CLSTN2: variants seen among roughly 807,000 people sequenced by gnomAD.
CLSTN2 encodes calsyntenin-2.
Under a neutral mutation model 101.2 loss-of-function variants are expected in CLSTN2, and 48 were observed. That is an observed-to-expected ratio of 0.47 (90% CI 0.38 to 0.60). The LOEUF (loss-of-function observed/expected upper bound fraction) is 0.60. Ranked by LOEUF, CLSTN2 falls within the 20% of genes least tolerant of loss-of-function variation. The pLI, the probability that CLSTN2 is intolerant of heterozygous loss-of-function variation, is 0.00. For synonymous variants in CLSTN2, 481 were observed against 463.6 expected (o/e 1.04, Z -0.48); for missense variants, 1,160 against 1,238.2 (o/e 0.94, Z 0.95).
intron 2 of CLSTN2, among the ~76,000 whole-genome samples, chr3:140,350,841 G>A (rs2087598187): frequency 6.6e-6 from 1 of 152,164 alleles, no homozygotes; most frequent in South Asian, 2.1e-4. Context: ...GAAGTCAGGA[G>A]TAAAGTTGCC....
chr3:140,361,853 T>C (rs753541742), intron 2 of CLSTN2, among the ~76,000 whole-genome samples: 8 of 152,068 alleles, frequency 5.3e-5, no homozygotes, highest in Non-Finnish European at 1.0e-4. Flanking sequence ...GGAGAAATAG[T>C]CCTGGTTCAC....
At chr3:140,421,389 T>C in intron 5 of CLSTN2, 115 bp downstream of exon 5, 1 of 1,248,152 alleles carries the variant, frequency 8.0e-7, no homozygotes, top group Non-Finnish European at 1.1e-6. Context: ...GTCACTTTGC[T>C]GTGAGAAATA....
intron 8 of CLSTN2, among the ~76,000 whole-genome samples, chr3:140,491,247 A>AAGAC (rs369258535): frequency 9.1e-4 from 139 of 152,304 alleles, no homozygotes; most frequent in African/African-American, 3.3e-3. Context: ...CTGCCTTGCT[A>AAGAC]AGACACATTT....
At chr3:140,475,312 T>A (rs1196273770) in intron 8 of CLSTN2, among the ~76,000 whole-genome samples, 1 of 152,222 alleles carries the variant, frequency 6.6e-6, no homozygotes, top group Non-Finnish European at 1.5e-5. Flanking sequence ...ATTGCATACC[T>A]AACTAATAGA....
At chr3:139,944,755 G>A (rs557702586) in intron 1 of CLSTN2, among the ~76,000 whole-genome samples, 24 of 152,316 alleles carry the variant, frequency 1.6e-4, no homozygotes, top group Non-Finnish European at 2.4e-4. Flanking sequence ...ACCTTCTCCC[G>A]TCAGCACTGC....
chr3:140,148,169 G>C (rs539271056), intron 1 of CLSTN2, among the ~76,000 whole-genome samples: 2 of 152,296 alleles, frequency 1.3e-5, no homozygotes, highest in African/African-American at 2.4e-5. Flanking sequence ...GGACCTCAAG[G>C]CTGCCTGGAA....
chr3:140,357,272 A>G (rs2087681153), intron 2 of CLSTN2, among the ~76,000 whole-genome samples: 1 of 152,176 alleles, frequency 6.6e-6, no homozygotes, highest in South Asian at 2.1e-4. Context: ...AATCTTCTAA[A>G]GTTGCAACAA....
intron 2 of CLSTN2, among the ~76,000 whole-genome samples, chr3:140,276,362 C>T (rs568035728): frequency 3.1e-4 from 47 of 152,100 alleles, no homozygotes; most frequent in Non-Finnish European, 5.9e-4. Flanking sequence ...ATTTCCATAC[C>T]CTCTTGGCTC....
chr3:140,088,580 C>G (rs540392376), intron 1 of CLSTN2, among the ~76,000 whole-genome samples: 2 of 152,298 alleles, frequency 1.3e-5, no homozygotes, highest in South Asian at 4.2e-4. Flanking sequence ...TGCAGAAAAA[C>G]AAAGGAAGCC....
At chr3:140,041,847 G>A (rs1373523146) in intron 1 of CLSTN2, among the ~76,000 whole-genome samples, 10 of 152,284 alleles carry the variant, frequency 6.6e-5, no homozygotes, top group Admixed American at 3.3e-4. Context: ...CAGCCCCTGC[G>A]ATAGCTTATA....
chr3:140,098,935 C>T (rs114072842), intron 1 of CLSTN2, among the ~76,000 whole-genome samples: 2,369 of 152,282 alleles, frequency 0.016, 28 homozygotes, highest in Middle Eastern at 0.024. Flanking sequence ...CCAGGCCTCT[C>T]CCACAGGCCC....
At chr3:140,448,852 TG>T in intron 6 of CLSTN2, 148 bp downstream of exon 6, 5 of 706,284 alleles carry the variant, frequency 7.1e-6, no homozygotes, top group Non-Finnish European at 1.1e-5. Flanking sequence ...AGTTTACTTA[TG>T]GCAGAAGGGT....
intron 2 of CLSTN2, among the ~76,000 whole-genome samples, chr3:140,328,467 C>A (rs2107927748): frequency 6.6e-6 from 1 of 152,278 alleles, no homozygotes; most frequent in Admixed American, 6.5e-5. Flanking sequence ...AGCTATCTTC[C>A]TATGGTTCCC....
At chr3:140,102,050 A>G (rs1029946049) in intron 1 of CLSTN2, among the ~76,000 whole-genome samples, 2 of 152,158 alleles carry the variant, frequency 1.3e-5, no homozygotes, top group Non-Finnish European at 2.9e-5. Context: ...TCTTAGTTCA[A>G]ATTCTTGATG....
rs1357064354 is a variant in CLSTN2 at position 140,223,761 on chromosome 3, A to G, written c.232+47688A>G. Among the ~76,000 whole-genome samples, 3 of 152,176 alleles carry G rather than the reference A, an allele frequency of 2.0e-5. No individual in the cohort carries two copies. The East Asian group carries it at 5.8e-4, about 29-fold the overall frequency. On this transcript the variant is annotated intron_variant, in intron 2 of 16. Transcript: ENST00000458420. ...TTATTTCATTGCTTTGAAGACCTTC[A>G]TACTCCTGGTCCCCACCCTGCAACA...
chr3:139,980,704 C>T (rs371358382), intron 1 of CLSTN2, among the ~76,000 whole-genome samples: 1 of 152,086 alleles, frequency 6.6e-6, no homozygotes, highest in East Asian at 1.9e-4. Flanking sequence ...ACATTTTGAT[C>T]CCCTGATTTA....
rs147139877 is a variant in CLSTN2, at chr3:140,047,725, G to T, written c.109+112242G>T. On this transcript the variant is annotated intron_variant, in intron 1 of 16. Coordinates refer to ENST00000458420, the MANE Select transcript of CLSTN2 (RefSeq NM_022131.3). ...CGTGGTGACGAGGCTGAGCATGCTA[G>T]CTCAGGTCTCTCTTCCTCTTCTTGT... Among the ~76,000 whole-genome samples the T allele has an allele frequency of 3.7e-3, 567 of 152,306 alleles. 11 individuals are homozygous for T. The highest frequency in any genetic ancestry group is 4.8e-3 in the East Asian group (25 of 5,172).
At chr3:140,222,923 A>G (rs1257743305) in intron 2 of CLSTN2, among the ~76,000 whole-genome samples, 1 of 150,942 alleles carries the variant, frequency 6.6e-6, no homozygotes, top group African/African-American at 2.4e-5. Flanking sequence ...TAAATGCCTT[A>G]TATCTTTCTA....
chr3:139,964,809 G>T (rs1395624509), intron 1 of CLSTN2, among the ~76,000 whole-genome samples: 1 of 152,164 alleles, frequency 6.6e-6, no homozygotes, highest in Non-Finnish European at 1.5e-5. Flanking sequence ...AATGCATTTT[G>T]CTGGTTGCAT....
Sources: gnomAD v4.1 joint callset for allele counts (sites outside exome capture counted in the v4.1 genomes callset) on GRCh38, gnomAD v4.1.1 for gene constraint, MANE v1.5 for transcripts, NCBI Gene and HGNC (gene_info 2026-07-23, HGNC 2026-07-21) for gene names.